KIAA0319L: variants seen among roughly 807,000 people sequenced by gnomAD.
KIAA0319L encodes the protein KIAA0319 like, also known as dyslexia-associated protein KIAA0319-like protein.
KIAA0319L carries 55 observed loss-of-function variants against 120.1 expected under a neutral mutation model. The ratio of observed to expected loss-of-function variants is 0.46; its 90% confidence interval spans 0.37 to 0.57. The LOEUF is 0.57. Ranked by LOEUF, KIAA0319L falls within the 20% of genes least tolerant of loss-of-function variation. The probability of loss-of-function intolerance (pLI) is 0.00; values close to 1 mark genes in which losing one functional copy is unlikely to be tolerated. For synonymous variants in KIAA0319L, 398 were observed against 471.9 expected (o/e 0.84, Z 2.03); for missense variants, 1,049 against 1,255.3 (o/e 0.84, Z 2.48).
At chr1:35,512,595 G>A (rs1237794299) in intron 2 of KIAA0319L, among the ~76,000 whole-genome samples, 2 of 152,018 alleles carry the variant, frequency 1.3e-5, no homozygotes, top group Non-Finnish European at 2.9e-5. Flanking sequence ...GGGACCAGGT[G>A]CAGTGGCTCA....
intron 16 of KIAA0319L, among the ~76,000 whole-genome samples, chr1:35,445,935 A>T (rs1471410407): frequency 6.6e-6 from 1 of 152,138 alleles, no homozygotes; most frequent in Non-Finnish European, 1.5e-5. Context: ...TCTTGCTAAC[A>T]TCTTTCCACT....
rs1393923597 is a variant in KIAA0319L at position 35,474,828 on chromosome 1, T to C, written c.992A>G (p.Tyr331Cys). The C allele has an allele frequency of 6.2e-7, 1 of 1,605,432 alleles. No homozygotes were observed. The highest frequency in any genetic ancestry group is 1.7e-5 in the Admixed American group (1 of 59,936). ...ACCTTTAGGTGGTTCTTGGAGAACA[T>C]ATGCATTTAATTGAACTTCATTCTT... ...LPKNEVQLNA[Y>C]VLQEPPKGET... The change falls in exon 5 of 21, where the codon TAT (tyrosine) becomes TGT (cysteine). Residue 331 changes from tyrosine to cysteine, a missense_variant. Transcript: ENST00000325722.
At chr1:35,484,806 A>T (rs1635726) in intron 3 of KIAA0319L, among the ~76,000 whole-genome samples, 55,498 of 85,606 alleles carry the variant, frequency 0.65, 14,811 homozygotes, top group East Asian at 0.77. Flanking sequence ...ATATATATAT[A>T]TTTTTTTTTT....
Position 35,554,529 on chromosome 1 carries a change from C to G in KIAA0319L, c.-28-10G>C. The G allele has an allele frequency of 6.6e-7, 1 of 1,505,776 alleles. No individual in the cohort carries two copies. Among genetic ancestry groups the G allele is most frequent in the African/African-American group, 1.4e-5 (1 of 70,734 alleles). 93.3% of individuals were successfully genotyped at this position (1,505,776 alleles called of 1,614,324 possible). On this transcript the variant is annotated splice_polypyrimidine_tract_variant and intron_variant, in intron 1 of 20. Coordinates refer to ENST00000325722, the MANE Select transcript of KIAA0319L (RefSeq NM_024874.5). Reference sequence around the variant, plus strand: ...AGGCAGAACCAGTACACTAGAAGGACAGAAAGAGAAGAAATTACATGCCGA... The same window carrying G: ...AGGCAGAACCAGTACACTAGAAGGAGAGAAAGAGAAGAAATTACATGCCGA...
intron 3 of KIAA0319L, among the ~76,000 whole-genome samples, chr1:35,498,266 G>A (rs1644883547): frequency 1.3e-5 from 2 of 152,016 alleles, no homozygotes; most frequent in Non-Finnish European, 2.9e-5. Context: ...CCAGGAGGCG[G>A]AGGTTGAAGT....
chr1:35,533,670 C>T (rs1364559169), intron 2 of KIAA0319L, among the ~76,000 whole-genome samples: 2 of 152,218 alleles, frequency 1.3e-5, no homozygotes, highest in East Asian at 1.9e-4. Context: ...TATGGCTCTA[C>T]ACCATCTGTC....
intron 3 of KIAA0319L, among the ~76,000 whole-genome samples, chr1:35,484,894 C>A (rs1253441798): frequency 6.8e-6 from 1 of 146,892 alleles, no homozygotes; most frequent in East Asian, 2.0e-4. Context: ...CATGCTGGTG[C>A]GCTGCACCCA....
chr1:35,468,504 C>T (rs1035194117), intron 6 of KIAA0319L, among the ~76,000 whole-genome samples: 1 of 152,194 alleles, frequency 6.6e-6, no homozygotes, highest in African/African-American at 2.4e-5. Context: ...AACAGGACAA[C>T]TCAATTCAAA....
At chr1:35,504,606 C>T (rs1390863440) in intron 3 of KIAA0319L, among the ~76,000 whole-genome samples, 1 of 152,170 alleles carries the variant, frequency 6.6e-6, no homozygotes, top group Non-Finnish European at 1.5e-5. Context: ...CAGTCAACAG[C>T]AGGCTTTTAG....
chr1:35,438,039 C>G (rs1264214995), intron 20 of KIAA0319L, among the ~76,000 whole-genome samples: 1 of 152,172 alleles, frequency 6.6e-6, no homozygotes, highest in African/African-American at 2.4e-5. Context: ...CCTTGCTGGT[C>G]TCCACACTTG....
chr1:35,454,411 G>A lies in KIAA0319L; in HGVS notation c.1731C>T (p.Asp577=), dbSNP rs149729424. 7.0e-5 allele frequency: 113 copies of A among 1,614,130 alleles called. 1 individual carries two copies. In the East Asian group the frequency reaches 1.8e-3, roughly 26 times the overall value. ...GAGCAGTGGCCTGCTGTCCTATTGT[G>A]TCAGTCACTGTGAGCTGGTAAGTGT... is the stretch of plus-strand genomic sequence containing the variant. ...GDYTYQLTVT[D]TIGQQATAQV... Residue 577 remains aspartate, a synonymous_variant, in exon 11 of 21, where the codon GAC becomes GAT. Coordinates refer to ENST00000325722, the MANE Select transcript of KIAA0319L (RefSeq NM_024874.5).
chr1:35,467,245 G>A (rs189719200), intron 6 of KIAA0319L, among the ~76,000 whole-genome samples: 4 of 151,884 alleles, frequency 2.6e-5, no homozygotes, highest in East Asian at 3.9e-4. Flanking sequence ...ACAGAGTTAC[G>A]AAATTAAAAT....
At chr1:35,496,095 C>T (rs1558481140) in intron 3 of KIAA0319L, among the ~76,000 whole-genome samples, 1 of 152,136 alleles carries the variant, frequency 6.6e-6, no homozygotes, top group Non-Finnish European at 1.5e-5. Flanking sequence ...TTGGAAAACA[C>T]TTGGGCAGTT....
At position 35,474,873 on chromosome 1, in the gene KIAA0319L, C is replaced by G; in HGVS notation, c.947G>C (p.Ser316Thr). 6.2e-7 allele frequency: 1 copy of G among 1,609,656 alleles called. No homozygotes were observed. Among genetic ancestry groups the G allele is most frequent in the Non-Finnish European group, 8.5e-7 (1 of 1,176,406 alleles). ...ATTCTTAGGCAGGGTTATCTGGACA[C>G]TCTCTCCAGCAGATACCACCAGTTC... Reference protein sequence around the residue: ...IKELVVSAGESVQITLPKNEV... With the variant: ...IKELVVSAGETVQITLPKNEV... The change falls in exon 5 of 21, where the codon AGT becomes ACT. Residue 316 changes from serine to threonine, a missense_variant. By Grantham distance (58) the Ser-to-Thr change is moderately conservative. Transcript: ENST00000325722.
intron 2 of KIAA0319L, among the ~76,000 whole-genome samples, chr1:35,518,658 C>T (rs1190657807): frequency 1.3e-5 from 2 of 152,060 alleles, no homozygotes; most frequent in Non-Finnish European, 2.9e-5. Flanking sequence ...CCCTGTGACA[C>T]GAGTTTACTT....
intron 2 of KIAA0319L, among the ~76,000 whole-genome samples, chr1:35,537,350 A>G (rs1445281021): frequency 1.5e-5 from 2 of 130,520 alleles, no homozygotes; most frequent in Non-Finnish European, 3.3e-5. Context: ...TCAGAGCACT[A>G]TTTTGTTTTT....
intron 2 of KIAA0319L, among the ~76,000 whole-genome samples, chr1:35,526,402 T>C (rs1646142714): frequency 6.9e-6 from 1 of 145,278 alleles, no homozygotes; most frequent in South Asian, 2.1e-4. Flanking sequence ...TATATATATA[T>C]ATATATATAC....
chr1:35,554,332 C>A lies in KIAA0319L; in HGVS notation c.142+18G>T. ...TTTTCTAAAAAAAAAAATCTTAAAT[C>A]TATAAAGAAAATAGTACCTGTTGAC... is the stretch of plus-strand genomic sequence containing the variant. On this transcript the variant is annotated intron_variant, in intron 2 of 20. Transcript: ENST00000325722. The A allele has an allele frequency of 6.5e-7, 1 of 1,527,712 alleles. No individual in the cohort carries two copies. Among genetic ancestry groups the A allele is most frequent in the Non-Finnish European group, 8.8e-7 (1 of 1,142,210 alleles). The allele number at this position is 1,527,712 out of a possible 1,614,324, so 94.6% of individuals were successfully genotyped here. A position where few individuals can be genotyped will look rare whatever the true frequency, so the allele number is the denominator to read the frequency against.
chr1:35,517,785 A>G (rs1362385870), intron 2 of KIAA0319L, among the ~76,000 whole-genome samples: 1 of 152,232 alleles, frequency 6.6e-6, no homozygotes, highest in Non-Finnish European at 1.5e-5. Flanking sequence ...TAAAGAGACA[A>G]TCTACAGAAT....
Sources: gnomAD v4.1 joint callset for allele counts (sites outside exome capture counted in the v4.1 genomes callset) on GRCh38, gnomAD v4.1.1 for gene constraint, MANE v1.5 for transcripts, NCBI Gene and HGNC (gene_info 2026-07-23, HGNC 2026-07-21) for gene names.